FYN: variants seen among roughly 807,000 people sequenced by gnomAD.
FYN encodes FYN proto-oncogene, Src family tyrosine kinase.
A neutral mutation model predicts 70.2 loss-of-function variants in FYN; 10 were observed. The observed-to-expected ratio is 0.14, with a 90% CI of 0.09 to 0.24. The LOEUF (loss-of-function observed/expected upper bound fraction) is 0.24. FYN is among the 10% of genes least tolerant of loss of function. The pLI, the probability that FYN is intolerant of heterozygous loss-of-function variation, is 1.00. For missense variants in FYN, 319 were observed against 673.1 expected, an observed-to-expected ratio of 0.47 and a Z score of 5.82; for synonymous variants, 236 against 248.6, an observed-to-expected ratio of 0.95 and a Z score of 0.48.
At chr6:111,854,794 T>C (rs1459932643) in intron 1 of FYN, among the ~76,000 whole-genome samples, 7 of 152,240 alleles carry the variant, frequency 4.6e-5, no homozygotes, top group South Asian at 2.1e-4. Flanking sequence ...CACAAAATGC[T>C]TGTTGATACT....
chr6:111,822,805 G>A (rs1772713910), intron 2 of FYN, among the ~76,000 whole-genome samples: 1 of 152,122 alleles, frequency 6.6e-6, no homozygotes. Context: ...TCAGAGAGGC[G>A]AGGGGAGGAC....
At chr6:111,721,258 G>A (rs1285920847) in intron 3 of FYN, among the ~76,000 whole-genome samples, 1 of 152,108 alleles carries the variant, frequency 6.6e-6, no homozygotes, top group African/African-American at 2.4e-5. Context: ...TATTAAAACA[G>A]GGCCTGTTTA....
At chr6:111,676,131 T>C (rs74919730) in intron 12 of FYN, among the ~76,000 whole-genome samples, 3,571 of 152,306 alleles carry the variant, frequency 0.023, 143 homozygotes, top group African/African-American at 0.083. Context: ...ACAGTTTTAA[T>C]AGCCAGAGGT....
chr6:111,785,743 ATG>A (rs1195678772), intron 2 of FYN, among the ~76,000 whole-genome samples: 2 of 145,562 alleles, frequency 1.4e-5, no homozygotes, highest in Non-Finnish European at 2.9e-5. Flanking sequence ...ATATGTACAC[ATG>A]TGTCATGTTG....
At chr6:111,836,079 T>C (rs989659709) in intron 2 of FYN, among the ~76,000 whole-genome samples, 2 of 152,102 alleles carry the variant, frequency 1.3e-5, no homozygotes, top group Non-Finnish European at 2.9e-5. Context: ...ACAGAGAAAC[T>C]GAAAGACAAC....
intron 1 of FYN, among the ~76,000 whole-genome samples, chr6:111,856,874 A>G (rs1773836005): frequency 6.6e-6 from 1 of 152,022 alleles, no homozygotes; most frequent in Non-Finnish European, 1.5e-5. Context: ...ACCCCAGAAC[A>G]CCCCCAATAA....
chr6:111,775,213 T>G (rs1770878277), intron 3 of FYN, among the ~76,000 whole-genome samples: 1 of 152,114 alleles, frequency 6.6e-6, no homozygotes, highest in Admixed American at 6.5e-5. Flanking sequence ...TTCCCCTTAA[T>G]AAGTGGGAAA....
At chr6:111,829,106 T>G (rs1054000107) in intron 2 of FYN, among the ~76,000 whole-genome samples, 1 of 152,256 alleles carries the variant, frequency 6.6e-6, no homozygotes, top group Non-Finnish European at 1.5e-5. Context: ...AATGAGCTAC[T>G]AAATGGAAAA....
intron 4 of FYN, among the ~76,000 whole-genome samples, chr6:111,714,955 T>C (rs1211360989): frequency 6.6e-6 from 1 of 152,184 alleles, no homozygotes; most frequent in Middle Eastern, 3.2e-3. Context: ...TTCTGTAATA[T>C]TCACCCCAAT....
At chr6:111,816,291 TAA>T (rs1772487292) in intron 2 of FYN, among the ~76,000 whole-genome samples, 1 of 152,166 alleles carries the variant, frequency 6.6e-6, no homozygotes, top group African/African-American at 2.4e-5. Flanking sequence ...TTGAATTAAA[TAA>T]GTCTTCCTTA....
chr6:111,733,634 T>A (rs898925189), intron 3 of FYN, among the ~76,000 whole-genome samples: 1 of 149,818 alleles, frequency 6.7e-6, no homozygotes, highest in African/African-American at 2.5e-5. Flanking sequence ...CAGAACCAGG[T>A]TGCTGAGTAG....
At chr6:111,800,470 T>C (rs114631279) in intron 2 of FYN, among the ~76,000 whole-genome samples, 50 of 152,000 alleles carry the variant, frequency 3.3e-4, no homozygotes, top group African/African-American at 1.1e-3. Context: ...CGAAGGGATA[T>C]TGAATATGAG....
chr6:111,690,776 GC>G (rs1169920006), intron 12 of FYN, among the ~76,000 whole-genome samples: 9 of 152,182 alleles, frequency 5.9e-5, no homozygotes, highest in African/African-American at 2.2e-4. Context: ...ACTGAGGTAG[GC>G]AAAAGTTAAA....
intron 2 of FYN, among the ~76,000 whole-genome samples, chr6:111,807,454 T>C (rs1772184318): frequency 6.6e-6 from 1 of 152,226 alleles, no homozygotes; most frequent in Non-Finnish European, 1.5e-5. Flanking sequence ...TTCTTGACTT[T>C]GTATTATACT....
intron 6 of FYN, among the ~76,000 whole-genome samples, chr6:111,705,847 C>T (rs1800063609): frequency 6.6e-6 from 1 of 152,098 alleles, no homozygotes; most frequent in African/African-American, 2.4e-5. Flanking sequence ...GACTGTCTCC[C>T]TATGTTGCCC....
chr6:111,769,721 G>T (rs1234675095), intron 3 of FYN, among the ~76,000 whole-genome samples: 1 of 151,512 alleles, frequency 6.6e-6, no homozygotes, highest in Non-Finnish European at 1.5e-5. Context: ...CTTTAAGAAA[G>T]AATGAATTAA....
At chr6:111,820,592 G>C (rs1202409754) in intron 2 of FYN, among the ~76,000 whole-genome samples, 1 of 152,068 alleles carries the variant, frequency 6.6e-6, no homozygotes. Context: ...AGTATTCTCT[G>C]CATAATATAA....
intron 3 of FYN, among the ~76,000 whole-genome samples, chr6:111,770,204 C>T (rs946522044): frequency 6.6e-6 from 1 of 152,040 alleles, no homozygotes; most frequent in Non-Finnish European, 1.5e-5. Context: ...AGACTTAGTA[C>T]AAAAATATCT....
At chr6:111,830,477 G>A (rs1187560611) in intron 2 of FYN, among the ~76,000 whole-genome samples, 3 of 151,070 alleles carry the variant, frequency 2.0e-5, no homozygotes, top group Non-Finnish European at 4.4e-5. Context: ...ACATACAAGG[G>A]AAGACTGAGT....
Sources: gnomAD v4.1 joint callset for allele counts (sites outside exome capture counted in the v4.1 genomes callset) on GRCh38, gnomAD v4.1.1 for gene constraint, MANE v1.5 for transcripts, NCBI Gene and HGNC (gene_info 2026-07-23, HGNC 2026-07-21) for gene names.